Variants in USH2A observed in about 807,000 individuals in gnomAD.
USH2A encodes Usher syndrome 2A (autosomal recessive, mild).
In USH2A, 443 loss-of-function variants were observed where a neutral mutation model predicts 538.9. That is an observed-to-expected ratio of 0.82 (90% CI 0.76 to 0.89). The LOEUF is 0.89. USH2A is among the 40% of genes least tolerant of loss of function. USH2A has a pLI of 0.00. For missense variants in USH2A, 6,633 were observed against 6,324.8 expected (o/e 1.05, Z -1.65); for synonymous variants, 2,413 against 2,273.5 (o/e 1.06, Z -1.75).
intron 14 of USH2A, among the ~76,000 whole-genome samples, chr1:216,227,745 A>G (rs1285526407): frequency 6.6e-5 from 10 of 152,226 alleles, no homozygotes; most frequent in African/African-American, 2.4e-4. Context: ...AGAGGGCCAG[A>G]TTATCTGCAA....
chr1:216,396,069 T>G (rs953828928), intron 3 of USH2A, among the ~76,000 whole-genome samples: 1 of 152,176 alleles, frequency 6.6e-6, no homozygotes, highest in Non-Finnish European at 1.5e-5. Flanking sequence ...ACATTCCTTA[T>G]CACCTGTTAT....
intron 35 of USH2A, among the ~76,000 whole-genome samples, chr1:215,972,920 ATGAGT>A (rs1381097465): frequency 1.3e-5 from 2 of 152,202 alleles, no homozygotes; most frequent in African/African-American, 4.8e-5. Context: ...AAAGACACAA[ATGAGT>A]TAAAGCTAAG....
At chr1:216,241,192 T>C (rs1402139253) in intron 13 of USH2A, among the ~76,000 whole-genome samples, 2 of 152,178 alleles carry the variant, frequency 1.3e-5, no homozygotes, top group Admixed American at 1.3e-4. Context: ...TCATCTTCTA[T>C]AGGAGGAAGA....
In USH2A at chr1:216,084,683, T is replaced by C. The variant is rs533195236; in HGVS notation, c.5167+15A>G. On this transcript the variant is annotated intron_variant, in intron 25 of 71. Coordinates refer to ENST00000307340, the MANE Select transcript of USH2A (RefSeq NM_206933.4). ...AGATTTTAAGTGAACACTCATGTCT[T>C]TTTTAGAGCATTACCTGCTCCTAGG... is the stretch of plus-strand genomic sequence containing the variant. 10 of 1,612,012 alleles carry C rather than the reference T, an allele frequency of 6.2e-6. No homozygotes were observed. In the Admixed American group the frequency reaches 1.7e-4, roughly 27 times the overall value.
chr1:215,659,594 A>T (rs1365287175), intron 64 of USH2A, among the ~76,000 whole-genome samples: 1 of 152,178 alleles, frequency 6.6e-6, no homozygotes, highest in African/African-American at 2.4e-5. Context: ...CTAGCCTTAA[A>T]GTCAACTTAT....
Position 215,634,564 on chromosome 1 carries a change from T to C in USH2A, c.15192A>G (p.Gln5064=). The change falls in exon 70 of 72, where the codon CAA becomes CAG. Residue 5064 remains glutamine (Q), a synonymous_variant. Coordinates refer to ENST00000307340, the MANE Select transcript of USH2A (RefSeq NM_206933.4). ...TATATGGCTCTTTGTGGATTTTTCTTTGTAGTATCAGGGACAGAAAAATGG... is the reference window on the plus strand; with the variant it reads ...TATATGGCTCTTTGTGGATTTTTCTCTGTAGTATCAGGGACAGAAAAATGG... ...LLAIFLSLIL[Q]RKIHKEPYIR... The C allele has an allele frequency of 6.2e-7, 1 of 1,614,106 alleles. No individual in the cohort carries two copies. The highest frequency in any genetic ancestry group is 1.1e-5 in the South Asian group (1 of 91,076).
chr1:216,142,569 C>A (rs910137442), intron 21 of USH2A, among the ~76,000 whole-genome samples: 2 of 152,046 alleles, frequency 1.3e-5, no homozygotes, highest in Admixed American at 1.3e-4. Context: ...TGTGGGGGTT[C>A]GAAGCAACAT....
intron 37 of USH2A, among the ~76,000 whole-genome samples, chr1:215,952,427 G>A (rs576630043): frequency 1.3e-5 from 2 of 152,228 alleles, no homozygotes; most frequent in South Asian, 4.1e-4. Flanking sequence ...TCATTATGAT[G>A]TTAGCTGGTT....
intron 32 of USH2A, among the ~76,000 whole-genome samples, chr1:216,012,808 G>A (rs901931385): frequency 2.6e-5 from 4 of 152,140 alleles, no homozygotes; most frequent in Non-Finnish European, 5.9e-5. Flanking sequence ...GCCCATTTGA[G>A]CTCCTGTATA....
At chr1:215,894,706 G>C (rs896776783) in intron 40 of USH2A, among the ~76,000 whole-genome samples, 15 of 152,048 alleles carry the variant, frequency 9.9e-5, no homozygotes, top group African/African-American at 3.6e-4. Flanking sequence ...TCTGACCAAG[G>C]TAAAAAAATG....
chr1:215,973,662 T>TC (rs1667549907), intron 35 of USH2A, among the ~76,000 whole-genome samples: 1 of 118,698 alleles, frequency 8.4e-6, no homozygotes, highest in Non-Finnish European at 1.9e-5. Flanking sequence ...TCTTCTTTTT[T>TC]TTTTTTTTTT....
In USH2A at chr1:215,998,989, A is replaced by T; in HGVS notation, c.6555T>A (p.His2185Gln). ...RYVLYMSNHTHDFTIWSVIYN... is the reference protein window; with the variant it reads ...RYVLYMSNHTQDFTIWSVIYN... ...AGATGACACTCCAAATTGTAAAATC[A>T]TGTGTATGGTTTGACATATATAATA... Residue 2185 changes from histidine (H) to glutamine (Q), a missense_variant, in exon 34 of 72, where the codon CAT becomes CAA. By Grantham distance (24) the His-to-Gln change is conservative. Coordinates refer to ENST00000307340, the MANE Select transcript of USH2A (RefSeq NM_206933.4). 6.2e-7 allele frequency: 1 copy of T among 1,613,068 alleles called. No homozygotes were observed. Among genetic ancestry groups the T allele is most frequent in the Non-Finnish European group, 8.5e-7 (1 of 1,179,292 alleles).
intron 37 of USH2A, among the ~76,000 whole-genome samples, chr1:215,939,428 T>C (rs1666579796): frequency 6.6e-6 from 1 of 152,166 alleles, no homozygotes; most frequent in Non-Finnish European, 1.5e-5. Flanking sequence ...AAATCTCATA[T>C]GAACAACAGG....
intron 32 of USH2A, among the ~76,000 whole-genome samples, chr1:216,031,263 C>A (rs1397224393): frequency 4.6e-5 from 7 of 152,094 alleles, no homozygotes. Flanking sequence ...GGCTTTACCC[C>A]ATAATTGAGC....
chr1:216,207,419 T>G lies in USH2A; in HGVS notation c.3170A>C (p.Gln1057Pro). 1 of 1,614,004 alleles carries G rather than the reference T, an allele frequency of 6.2e-7. No individual in the cohort carries two copies. The highest frequency in any genetic ancestry group is 1.1e-5 in the South Asian group (1 of 91,084). ...TTGAACTTGTCCTCTGGGCGGAGGTTGCTGGAATGGAGCTAAATTACAATG... is the reference window on the plus strand; with the variant it reads ...TTGAACTTGTCCTCTGGGCGGAGGTGGCTGGAATGGAGCTAAATTACAATG... The part of the protein sequence containing the change: ...LLGCSKTPFQ[Q>P]PPPRGQVQSS... The change falls in exon 16 of 72, where the codon CAA becomes CCA. Residue 1057 changes from glutamine to proline, a missense_variant. Transcript: ENST00000307340.
chr1:215,810,927 A>C (rs1304912883), intron 49 of USH2A, among the ~76,000 whole-genome samples: 2 of 151,954 alleles, frequency 1.3e-5, no homozygotes, highest in African/African-American at 4.8e-5. Flanking sequence ...ACTGCTATAC[A>C]AACTTTTTTT....
chr1:216,185,497 T>C lies in USH2A; in HGVS notation c.4396+4726A>G, dbSNP rs562940024. On this transcript the variant is annotated intron_variant, in intron 20 of 71. Transcript: ENST00000307340. Reference sequence around the variant, plus strand: ...CAAAAGGCTAATTACTACTTCTAATTTGTGGTGCTCTTTTTCAAAATTTTT... The same window carrying C: ...CAAAAGGCTAATTACTACTTCTAATCTGTGGTGCTCTTTTTCAAAATTTTT... Among the ~76,000 whole-genome samples, 14 of 152,006 alleles carry C rather than the reference T, an allele frequency of 9.2e-5. 1 individual carries two copies. In the East Asian group the frequency reaches 1.8e-3, roughly 19 times the overall value.
At chr1:215,695,350 T>C (rs1477668332) in intron 61 of USH2A, among the ~76,000 whole-genome samples, 1 of 152,230 alleles carries the variant, frequency 6.6e-6, no homozygotes, top group Non-Finnish European at 1.5e-5. Flanking sequence ...TATCCTATCT[T>C]ATTCTAACAC....
intron 37 of USH2A, among the ~76,000 whole-genome samples, chr1:215,952,074 C>T (rs1666934087): frequency 6.6e-6 from 1 of 151,548 alleles, no homozygotes; most frequent in African/African-American, 2.4e-5. Context: ...CCTTGTTAGC[C>T]AGGATGGTCT....
Sources: gnomAD v4.1 joint callset for allele counts (sites outside exome capture counted in the v4.1 genomes callset) on GRCh38, gnomAD v4.1.1 for gene constraint, MANE v1.5 for transcripts, NCBI Gene and HGNC (gene_info 2026-07-23, HGNC 2026-07-21) for gene names.